RIMS3: variants seen among roughly 807,000 people sequenced by gnomAD.
RIMS3 encodes regulating synaptic membrane exocytosis 3, also known as regulating synaptic membrane exocytosis protein 3.
In RIMS3, 15 loss-of-function variants were observed where a neutral mutation model predicts 29.2. That is an observed-to-expected ratio of 0.51 (90% CI 0.34 to 0.79). RIMS3 has a LOEUF of 0.79. Ranked by LOEUF, RIMS3 falls within the 30% of genes least tolerant of loss-of-function variation. RIMS3 has a pLI of 0.01. For synonymous variants in RIMS3, 161 were observed against 170.1 expected (o/e 0.95, Z 0.41); for missense variants, 342 against 421.4 (o/e 0.81, Z 1.65).
rs1238041689 is a variant in RIMS3 at position 40,654,837 on chromosome 1, C to G, written c.-206-6995G>C. On this transcript the variant is annotated intron_variant, in intron 1 of 7. Transcript: ENST00000372684. The surrounding 1 kb of genome is among the most constrained non-coding windows in gnomAD (Gnocchi z 5.3). Reference sequence around the variant, plus strand: ...CATTTGCCAGGGACATACACACACACTTAAACTCTCTCATACATACACACA... The same window carrying G: ...CATTTGCCAGGGACATACACACACAGTTAAACTCTCTCATACATACACACA... Among the ~76,000 whole-genome samples the G allele has an allele frequency of 1.3e-5, 2 of 152,126 alleles. No homozygotes were observed. The highest frequency in any genetic ancestry group is 4.8e-5 in the African/African-American group (2 of 41,416).
chr1:40,647,034 C>A (rs921514829), intron 2 of RIMS3, among the ~76,000 whole-genome samples: 3 of 152,112 alleles, frequency 2.0e-5, no homozygotes, highest in Admixed American at 1.3e-4. Context: ...GCGCCCACTA[C>A]CACGCCCAGC....
chr1:40,636,093 C>T lies in RIMS3; in HGVS notation c.218-36G>A. The T allele has an allele frequency of 6.2e-7, 1 of 1,600,254 alleles. No homozygotes were observed. The highest frequency in any genetic ancestry group is 8.5e-7 in the Non-Finnish European group (1 of 1,179,410). On this transcript the variant is annotated intron_variant, in intron 3 of 7. Transcript: ENST00000372684. This position sits in a 1 kb window ranked among gnomAD's most constrained non-coding sequence, Gnocchi z 4.2. ...CCCAACCCCAAGCACAGAGAGGGAA[C>T]AAGGTCAGATTATGAATGGGGCTTC...
At chr1:40,668,112 G>A (rs531052280), upstream of RIMS3, among the ~76,000 whole-genome samples, 2 of 152,170 alleles carry the variant, frequency 1.3e-5, no homozygotes, top group South Asian at 2.1e-4. Flanking sequence ...TTAGCTGGGT[G>A]TGGTGGCATG....
At chr1:40,665,708 A>C (rs1290209920), upstream of RIMS3, 1 of 152,398 alleles carries the variant, frequency 6.6e-6, no homozygotes, top group Non-Finnish European at 1.5e-5. Context: ...CGGGAGGCGA[A>C]GGGGAGGCGG....
At chr1:40,642,657 A>G (rs1646566183) in intron 2 of RIMS3, among the ~76,000 whole-genome samples, 1 of 152,002 alleles carries the variant, frequency 6.6e-6, no homozygotes, top group Non-Finnish European at 1.5e-5. Context: ...CTATTTTTTC[A>G]TTTAACATTA....
chr1:40,689,432 C>T, the RIMS3 span, among the ~76,000 whole-genome samples: 1 of 152,164 alleles, frequency 6.6e-6, no homozygotes, highest in Non-Finnish European at 1.5e-5. Flanking sequence ...CAGGTGCCTG[C>T]CACCACACCT....
At chr1:40,662,472 G>A (rs968634081) in intron 1 of RIMS3, among the ~76,000 whole-genome samples, 2 of 152,148 alleles carry the variant, frequency 1.3e-5, no homozygotes, top group African/African-American at 4.8e-5. Context: ...TCTGGGTCAT[G>A]TCCCCACTAG....
Position 40,623,840 on chromosome 1 carries a change from G to A in RIMS3, c.*2677C>T, listed in dbSNP as rs183476118. 54 of 290,054 alleles carry A rather than the reference G, an allele frequency of 1.9e-4. No individual in the cohort carries two copies. The highest frequency in any genetic ancestry group is 1.0e-3 in the African/African-American group (48 of 46,520). 18.0% of individuals were successfully genotyped at this position (290,054 alleles called of 1,614,324 possible). A position where few individuals can be genotyped will look rare whatever the true frequency, so the allele number is the denominator to read the frequency against. ...TGCAGCCACACTGCATCACACAGAC[G>A]TGTCAGCCTCACACAACTTTACCCT... On this transcript the variant is annotated 3_prime_UTR_variant, in exon 8 of 8. Transcript: ENST00000372684.
the RIMS3 span, among the ~76,000 whole-genome samples, chr1:40,686,681 T>G: frequency 4.6e-5 from 7 of 152,086 alleles, no homozygotes; most frequent in Admixed American, 4.6e-4. Context: ...AAAAAACCCT[T>G]AATTTTCTTG....
At chr1:40,643,104 C>T (rs1386473538) in intron 2 of RIMS3, among the ~76,000 whole-genome samples, 2 of 151,926 alleles carry the variant, frequency 1.3e-5, no homozygotes, top group African/African-American at 2.4e-5. Context: ...AGTTTATCTC[C>T]TCTTTCTCTC....
the RIMS3 span, among the ~76,000 whole-genome samples, chr1:40,682,174 TA>T: frequency 6.6e-6 from 1 of 152,224 alleles, no homozygotes; most frequent in African/African-American, 2.4e-5. Context: ...ATGGAATGTC[TA>T]CCATGCACTA....
At chr1:40,649,079 T>C (rs1240172892) in intron 1 of RIMS3, among the ~76,000 whole-genome samples, 1 of 152,114 alleles carries the variant, frequency 6.6e-6, no homozygotes, top group East Asian at 1.9e-4. Flanking sequence ...AGGCAGTCTG[T>C]GCCAAGGAAG....
chr1:40,686,114 A>G, the RIMS3 span, among the ~76,000 whole-genome samples: 1 of 152,056 alleles, frequency 6.6e-6, no homozygotes, highest in East Asian at 1.9e-4. Context: ...ACACCACTAC[A>G]CTCCAGCCTG....
rs888011592 is a variant in RIMS3 at position 40,635,510 on chromosome 1, C to G, written c.359+406G>C. Among the ~76,000 whole-genome samples, 3 of 152,230 alleles carry G rather than the reference C, an allele frequency of 2.0e-5. No individual in the cohort carries two copies. Among genetic ancestry groups the G allele is most frequent in the Non-Finnish European group, 4.4e-5 (3 of 68,034 alleles). On this transcript the variant is annotated intron_variant, in intron 4 of 7. Transcript: ENST00000372684. This position sits in a 1 kb window ranked among gnomAD's most constrained non-coding sequence, Gnocchi z 4.1. ...CTGATCTAGTCCAATCTCCTTCCCT[C>G]AGCTCTAAGCAAGCCTCCTTGAGAA...
rs148657490 is a variant in RIMS3, at chr1:40,623,329, C to T, written c.*3188G>A. The stretch of plus-strand genomic sequence containing the variant: ...CAAGACTTGGCTCCATTTACTGGAG[C>T]CTTTTTCATACCAAAAACCCATTGC... On this transcript the variant is annotated 3_prime_UTR_variant, in exon 8 of 8. Transcript: ENST00000372684. 6 of 398,394 alleles carry T rather than the reference C, an allele frequency of 1.5e-5. No homozygotes were observed. The highest frequency in any genetic ancestry group is 1.3e-4 in the South Asian group (1 of 7,796). The allele number at this position is 398,394 out of a possible 1,614,324, so 24.7% of individuals were successfully genotyped here.
At chr1:40,682,514 C>T in the RIMS3 span, among the ~76,000 whole-genome samples, 25 of 151,940 alleles carry the variant, frequency 1.6e-4, no homozygotes, top group African/African-American at 5.3e-4. Context: ...TTTGAGTTCT[C>T]GCTCCCCATG....
In RIMS3 at chr1:40,636,656, C is replaced by T. The variant is rs188706116; in HGVS notation, c.218-599G>A. Among the ~76,000 whole-genome samples, 2 of 152,254 alleles carry T rather than the reference C, an allele frequency of 1.3e-5. No homozygotes were observed. Among genetic ancestry groups the T allele is most frequent in the Admixed American group, 1.3e-4 (2 of 15,296 alleles). On this transcript the variant is annotated intron_variant, in intron 3 of 7. Transcript: ENST00000372684. This position sits in a 1 kb window ranked among gnomAD's most constrained non-coding sequence, Gnocchi z 4.2. ...GGACGTGTGTGGAGAGCTGGAGAGG[C>T]CATTAGGAAAACAAGACAGAGAGGG...
At chr1:40,630,166 C>T (rs1646480026) in intron 5 of RIMS3, among the ~76,000 whole-genome samples, 3 of 152,028 alleles carry the variant, frequency 2.0e-5, no homozygotes, top group South Asian at 2.1e-4. Flanking sequence ...GAGGCACTAC[C>T]AGACAACAAG....
upstream of RIMS3, chr1:40,665,746 T>C (rs1642416792): frequency 6.6e-6 from 1 of 152,582 alleles, no homozygotes; most frequent in South Asian, 1.8e-4. Context: ...GCCGCGTGGA[T>C]GGGCGGGGCC....
Sources: gnomAD v4.1 joint callset for allele counts (sites outside exome capture counted in the v4.1 genomes callset) on GRCh38, gnomAD v4.1.1 for gene constraint, Gnocchi (gnomAD v3.1) non-coding constraint, MANE v1.5 for transcripts, NCBI Gene and HGNC (gene_info 2026-07-23, HGNC 2026-07-21) for gene names.